EFNA5: variants seen among roughly 807,000 people sequenced by gnomAD.
EFNA5 encodes the protein ephrin-A5.
In EFNA5, 5 loss-of-function variants were observed where a neutral mutation model predicts 22.9. The observed-to-expected ratio is 0.22, with a 90% CI of 0.11 to 0.46. The LOEUF (loss-of-function observed/expected upper bound fraction) is 0.46. Among genes scored for constraint, EFNA5 ranks in the 20% least tolerant of loss-of-function variants. The probability of loss-of-function intolerance (pLI) is 0.99; values close to 1 mark genes in which losing one functional copy is unlikely to be tolerated. For synonymous variants in EFNA5, 113 were observed against 112.2 expected (o/e 1.01, Z -0.04); for missense variants, 237 against 293.3 (o/e 0.81, Z 1.40).
At chr5:107,629,349 G>C (rs977206967) in intron 1 of EFNA5, among the ~76,000 whole-genome samples, 1 of 151,898 alleles carries the variant, frequency 6.6e-6, no homozygotes, top group African/African-American at 2.4e-5. Flanking sequence ...TATGTTAATG[G>C]AATACAAACA....
intron 1 of EFNA5, among the ~76,000 whole-genome samples, chr5:107,616,360 T>A (rs1749913144): frequency 6.6e-6 from 1 of 152,186 alleles, no homozygotes; most frequent in South Asian, 2.1e-4. Context: ...CTATGCTTGG[T>A]TTAGGCTGCA....
chr5:107,568,256 G>A (rs185487757), intron 1 of EFNA5, among the ~76,000 whole-genome samples: 9 of 152,140 alleles, frequency 5.9e-5, no homozygotes, highest in African/African-American at 2.2e-4. Flanking sequence ...TATATACCCC[G>A]TAGCTATCAA....
chr5:107,381,674 G>T (rs536764348), intron 4 of EFNA5, among the ~76,000 whole-genome samples: 1 of 151,898 alleles, frequency 6.6e-6, no homozygotes, highest in Non-Finnish European at 1.5e-5. Context: ...AGTCAGACAC[G>T]CCTTGCACAA....
chr5:107,587,670 C>T (rs1366258450), intron 1 of EFNA5, among the ~76,000 whole-genome samples: 4 of 152,164 alleles, frequency 2.6e-5, no homozygotes, highest in African/African-American at 9.7e-5. Flanking sequence ...GTGCCCACCA[C>T]CACGCCCAGC....
intron 1 of EFNA5, 69 bp downstream of exon 1, chr5:107,670,420 C>G (rs1751167610): frequency 1.3e-6 from 2 of 1,484,404 alleles, no homozygotes; most frequent in African/African-American, 1.5e-5. Flanking sequence ...GCGCCGATCC[C>G]CGCCGCCGCT....
At chr5:107,428,566 A>T (rs1436768790) in intron 1 of EFNA5, among the ~76,000 whole-genome samples, 1 of 152,218 alleles carries the variant, frequency 6.6e-6, no homozygotes, top group East Asian at 1.9e-4. Flanking sequence ...TTATGCATAC[A>T]ACTTTCTCAG....
intron 1 of EFNA5, among the ~76,000 whole-genome samples, chr5:107,540,533 T>C (rs1028830754): frequency 2.6e-5 from 4 of 152,200 alleles, no homozygotes; most frequent in Non-Finnish European, 5.9e-5. Flanking sequence ...AATGTAATTG[T>C]ATAATACATA....
Position 107,468,218 on chromosome 5 carries a change from T to C in EFNA5, c.126-40709A>G, listed in dbSNP as rs920645632. ...CCTTTGTTTTGTCAGAAGGAAAGTT[T>C]ATCACCCAATAAAAAAGAAATTATA... On this transcript the variant is annotated intron_variant, in intron 1 of 4. Transcript: ENST00000333274. 7.2e-5 allele frequency among the ~76,000 whole-genome samples: 11 copies of C among 152,318 alleles called. No individual in the cohort carries two copies. The East Asian group carries it at 2.1e-3, about 29-fold the overall frequency.
chr5:107,664,159 T>C (rs900881466), intron 1 of EFNA5, among the ~76,000 whole-genome samples: 1 of 152,082 alleles, frequency 6.6e-6, no homozygotes, highest in African/African-American at 2.4e-5. Context: ...AATTAGAAAA[T>C]AGCACACGGA....
chr5:107,584,380 A>C (rs1442624243), intron 1 of EFNA5, among the ~76,000 whole-genome samples: 3 of 152,338 alleles, frequency 2.0e-5, no homozygotes, highest in Admixed American at 2.0e-4. Context: ...ATGTCCACAC[A>C]GCCCCAAATT....
At chr5:107,511,432 G>T (rs1373505670) in intron 1 of EFNA5, among the ~76,000 whole-genome samples, 3 of 152,132 alleles carry the variant, frequency 2.0e-5, no homozygotes, top group African/African-American at 7.2e-5. Flanking sequence ...GGAATATTAT[G>T]ATAGAATATA....
chr5:107,419,744 A>G (rs1244281451), intron 2 of EFNA5, among the ~76,000 whole-genome samples: 1 of 152,226 alleles, frequency 6.6e-6, no homozygotes, highest in African/African-American at 2.4e-5. Flanking sequence ...GTATTTGACC[A>G]CAGTCCTACA....
chr5:107,563,317 G>A (rs1669740983), intron 1 of EFNA5, among the ~76,000 whole-genome samples: 1 of 152,120 alleles, frequency 6.6e-6, no homozygotes, highest in South Asian at 2.1e-4. Flanking sequence ...ATTAAAACCT[G>A]GGAGTCATCT....
intron 4 of EFNA5, among the ~76,000 whole-genome samples, chr5:107,386,838 G>C (rs1310750496): frequency 1.3e-5 from 2 of 152,030 alleles, no homozygotes; most frequent in Non-Finnish European, 2.9e-5. Context: ...CTACAGATTT[G>C]GACATAAAAA....
chr5:107,435,139 A>T (rs565277650), intron 1 of EFNA5, among the ~76,000 whole-genome samples: 2 of 152,172 alleles, frequency 1.3e-5, no homozygotes, highest in Non-Finnish European at 2.9e-5. Flanking sequence ...TTGTCCCAAA[A>T]GGGGCTAATG....
At chr5:107,551,941 GA>G (rs771968819) in intron 1 of EFNA5, among the ~76,000 whole-genome samples, 1 of 151,698 alleles carries the variant, frequency 6.6e-6, no homozygotes, top group Non-Finnish European at 1.5e-5. Flanking sequence ...TTACAAAGCT[GA>G]AAAAAATCTC....
At chr5:107,426,775 T>G (rs1462012932) in intron 2 of EFNA5, among the ~76,000 whole-genome samples, 1 of 152,230 alleles carries the variant, frequency 6.6e-6, no homozygotes, top group African/African-American at 2.4e-5. Flanking sequence ...ATCGTCAACA[T>G]GCTGACATGT....
At chr5:107,582,453 C>A (rs1444200848) in intron 1 of EFNA5, among the ~76,000 whole-genome samples, 2 of 152,122 alleles carry the variant, frequency 1.3e-5, no homozygotes, top group Non-Finnish European at 2.9e-5. Context: ...ACAATATGGA[C>A]CTCCTGAAGA....
rs1315169616 is a variant in EFNA5 at position 107,379,398 on chromosome 5, C to A, written c.*1857G>T. On this transcript the variant is annotated 3_prime_UTR_variant, in exon 5 of 5. Transcript: ENST00000333274. ...CGAAGTCTGTCCATAATGCGACCTT[C>A]TCTTTTTTTAACATATACATCTTAA... The A allele has an allele frequency of 6.6e-6, 1 of 152,088 alleles. No homozygotes were observed. The highest frequency in any genetic ancestry group is 2.4e-5 in the African/African-American group (1 of 41,416). 9.4% of individuals were successfully genotyped at this position (152,088 alleles called of 1,614,324 possible). A position where few individuals can be genotyped will look rare whatever the true frequency, so the allele number is the denominator to read the frequency against.
Sources: allele counts gnomAD v4.1 joint callset (sites outside exome capture counted in the v4.1 genomes callset), GRCh38; gene constraint gnomAD v4.1.1; transcripts MANE v1.5; gene names NCBI Gene and HGNC (gene_info 2026-07-23, HGNC 2026-07-21).